GRID1: variants seen among roughly 807,000 people sequenced by gnomAD.
GRID1 encodes the protein glutamate receptor ionotropic, delta-1.
A neutral mutation model predicts 98.0 loss-of-function variants in GRID1; 28 were observed. The ratio of observed to expected loss-of-function variants is 0.29; its 90% CI spans 0.21 to 0.39. GRID1 has a LOEUF of 0.39. GRID1 is among the 10% of genes least tolerant of loss of function. GRID1 has a pLI of 1.00. For missense variants in GRID1, 1,111 were observed against 1,340.5 expected (o/e 0.83, Z 2.67); for synonymous variants, 553 against 538.5 (o/e 1.03, Z -0.37).
chr10:86,366,428 G>A lies in GRID1; in HGVS notation c.-36C>T. 2 of 1,438,212 alleles carry A rather than the reference G, an allele frequency of 1.4e-6. No homozygotes were observed. Among genetic ancestry groups the A allele is most frequent in the Non-Finnish European group, 1.9e-6 (2 of 1,079,702 alleles). The allele number at this position is 1,438,212 out of a possible 1,614,324, so 89.1% of individuals were successfully genotyped here. ...CGCGCGGCTCATCCACCCGGGCCCGGGGCGAGGCCGAGGGCAGCGCGAAGC... is the reference window on the plus strand; with the variant it reads ...CGCGCGGCTCATCCACCCGGGCCCGAGGCGAGGCCGAGGGCAGCGCGAAGC... On this transcript the variant is annotated 5_prime_UTR_variant, in exon 1 of 16. Transcript: ENST00000327946. This position sits in a 1 kb window ranked among gnomAD's most constrained non-coding sequence, Gnocchi z 4.1.
At chr10:85,661,447 C>G (rs1034164962) in intron 12 of GRID1, among the ~76,000 whole-genome samples, 8 of 152,198 alleles carry the variant, frequency 5.3e-5, no homozygotes, top group Non-Finnish European at 8.8e-5. Context: ...TCTCTGAAAA[C>G]TAGAATCTCA....
chr10:85,661,591 A>C (rs1222327932), intron 12 of GRID1, among the ~76,000 whole-genome samples: 1 of 152,176 alleles, frequency 6.6e-6, no homozygotes, highest in Non-Finnish European at 1.5e-5. Context: ...CCACCTCCTC[A>C]GAAGCAGGGA....
chr10:86,224,798 AC>A (rs375710260), intron 2 of GRID1, among the ~76,000 whole-genome samples: 2,087 of 151,880 alleles, frequency 0.014, 56 homozygotes, highest in African/African-American at 0.048. Flanking sequence ...CTTCCTCCTC[AC>A]CCTTCAAAGT....
intron 3 of GRID1, among the ~76,000 whole-genome samples, chr10:86,161,540 G>T (rs1488779324): frequency 6.6e-6 from 1 of 152,148 alleles, no homozygotes. Flanking sequence ...CTCAGTGAGT[G>T]CCCTAAGCCA....
intron 4 of GRID1, among the ~76,000 whole-genome samples, chr10:85,932,502 A>G (rs7896257): frequency 0.024 from 3,632 of 152,294 alleles, 149 homozygotes; most frequent in African/African-American, 0.081. Flanking sequence ...CACTGTGCCC[A>G]GCCCTCCATC....
intron 15 of GRID1, among the ~76,000 whole-genome samples, chr10:85,611,075 C>T (rs997025583): frequency 2.6e-5 from 4 of 152,160 alleles, no homozygotes; most frequent in Non-Finnish European, 5.9e-5. Flanking sequence ...GATGTTTTAC[C>T]GGCAAGAAAG....
chr10:86,198,607 A>G (rs117787078), intron 3 of GRID1, among the ~76,000 whole-genome samples: 6,740 of 152,238 alleles, frequency 0.044, 249 homozygotes, highest in South Asian at 0.077. Flanking sequence ...TTGTATCGCA[A>G]TTTTACAAAT....
intron 4 of GRID1, among the ~76,000 whole-genome samples, chr10:86,028,283 T>C (rs538783874): frequency 2.6e-5 from 4 of 152,174 alleles, no homozygotes; most frequent in Non-Finnish European, 4.4e-5. Flanking sequence ...TCCATCTTTG[T>C]ATGCTGTTTG....
chr10:86,149,456 T>C (rs1177977821), intron 3 of GRID1, among the ~76,000 whole-genome samples: 2 of 152,202 alleles, frequency 1.3e-5, no homozygotes, highest in Non-Finnish European at 2.9e-5. Context: ...GAATGAGCCG[T>C]ACCCACACCC....
chr10:85,811,562 TA>T (rs1450419218), intron 8 of GRID1, among the ~76,000 whole-genome samples: 1 of 151,774 alleles, frequency 6.6e-6, no homozygotes, highest in Admixed American at 6.6e-5. Context: ...ATGAATGGAA[TA>T]AAAAATACAA....
chr10:86,212,572 G>A (rs1846121844), intron 2 of GRID1, among the ~76,000 whole-genome samples: 1 of 152,188 alleles, frequency 6.6e-6, no homozygotes, highest in African/African-American at 2.4e-5. Context: ...TCTCCCCAAG[G>A]GAGTCCAGCA....
chr10:85,655,183 T>G (rs541701097), intron 12 of GRID1, among the ~76,000 whole-genome samples: 1 of 152,296 alleles, frequency 6.6e-6, no homozygotes, highest in South Asian at 2.1e-4. Context: ...CCTCCAAGTC[T>G]TCACTCAGGT....
chr10:86,313,906 T>C (rs927953509), intron 2 of GRID1, among the ~76,000 whole-genome samples: 1 of 152,194 alleles, frequency 6.6e-6, no homozygotes, highest in African/African-American at 2.4e-5. Flanking sequence ...AACCCCTGTA[T>C]TTCTTGCAAA....
chr10:85,888,293 G>A (rs189098728), intron 5 of GRID1, among the ~76,000 whole-genome samples: 28 of 152,194 alleles, frequency 1.8e-4, no homozygotes, highest in Admixed American at 3.9e-4. Context: ...ATTCCCAAGC[G>A]TGGGCCCAGT....
At chr10:85,905,538 A>C (rs74148829) in intron 5 of GRID1, among the ~76,000 whole-genome samples, 2,057 of 152,258 alleles carry the variant, frequency 0.014, 46 homozygotes, top group African/African-American at 0.047. Context: ...CTGTTTTAAT[A>C]AACATAATAA....
chr10:86,218,259 T>G (rs1846204974), intron 2 of GRID1, among the ~76,000 whole-genome samples: 1 of 152,126 alleles, frequency 6.6e-6, no homozygotes, highest in South Asian at 2.1e-4. Flanking sequence ...GCAGCCTATG[T>G]CCTGCCTCCC....
At position 85,602,020 on chromosome 10, in the gene GRID1, T is replaced by C. The variant is rs1166369721; in HGVS notation, c.*253A>G. 4 of 418,996 alleles carry C rather than the reference T, an allele frequency of 9.5e-6. No homozygotes were observed. Among genetic ancestry groups the C allele is most frequent in the East Asian group, 6.8e-5 (2 of 29,554 alleles). The allele number at this position is 418,996 out of a possible 1,614,324, so 26.0% of individuals were successfully genotyped here. On this transcript the variant is annotated 3_prime_UTR_variant, in exon 16 of 16. Coordinates refer to ENST00000327946, the MANE Select transcript of GRID1 (RefSeq NM_017551.3). ...CAAGTAATTTGCCTTTTTATTCATATAGAACAAAATTTACAAAGTCATTCA... is the reference window on the plus strand; with the variant it reads ...CAAGTAATTTGCCTTTTTATTCATACAGAACAAAATTTACAAAGTCATTCA...
intron 6 of GRID1, among the ~76,000 whole-genome samples, chr10:85,859,075 G>A (rs992395639): frequency 2.0e-5 from 3 of 152,186 alleles, no homozygotes; most frequent in African/African-American, 7.2e-5. Flanking sequence ...TCCAGGCATA[G>A]ATAGGCAGGC....
At chr10:86,179,149 G>A (rs1845618617) in intron 3 of GRID1, among the ~76,000 whole-genome samples, 1 of 152,030 alleles carries the variant, frequency 6.6e-6, no homozygotes, top group African/African-American at 2.4e-5. Flanking sequence ...CACAGGCTAA[G>A]TTCCCGGGCC....
Sources: gnomAD v4.1 joint callset for allele counts (sites outside exome capture counted in the v4.1 genomes callset) on GRCh38, gnomAD v4.1.1 for gene constraint, Gnocchi (gnomAD v3.1) non-coding constraint, MANE v1.5 for transcripts, NCBI Gene and HGNC (gene_info 2026-07-23, HGNC 2026-07-21) for gene names.